CFAP47: variants seen among roughly 807,000 people sequenced by gnomAD.
CFAP47 encodes the protein cilia- and flagella-associated protein 47.
In CFAP47, 29 loss-of-function variants were observed where a neutral mutation model predicts 148.1. The ratio of observed to expected loss-of-function variants is 0.20; its 90% CI spans 0.15 to 0.27. The LOEUF (loss-of-function observed/expected upper bound fraction) is 0.27. CFAP47 is among the 10% of genes least tolerant of loss of function. CFAP47 has a pLI of 1.00. For synonymous variants in CFAP47, 664 were observed against 577.3 expected (o/e 1.15, Z -2.15); for missense variants, 1,872 against 1,697.5 (o/e 1.10, Z -1.81).
intron 33 of CFAP47, among the ~76,000 whole-genome samples, chrX:36,124,763 G>C (rs985697059): frequency 9.0e-6 from 1 of 111,393 alleles, no homozygotes; most frequent in African/African-American, 3.3e-5. Context: ...TGCTTCTTAT[G>C]AAGATGTTTC....
At chrX:35,935,232 C>T (rs1259016698) in intron 2 of CFAP47, among the ~76,000 whole-genome samples, 1 of 112,413 alleles carries the variant, frequency 8.9e-6, no homozygotes. Flanking sequence ...CTTGCTAGAA[C>T]TCAAGTCGTG....
intron 53 of CFAP47, among the ~76,000 whole-genome samples, chrX:36,302,269 G>T (rs1198215930): frequency 1.8e-5 from 2 of 110,451 alleles, no homozygotes; most frequent in African/African-American, 6.6e-5. Context: ...GATTTACAGA[G>T]ACTTGTTAAA....
At chrX:35,976,035 A>T (rs1936565956) in intron 15 of CFAP47, 122 bp downstream of exon 15, 1 of 682,407 alleles carries the variant, frequency 1.5e-6, no homozygotes, top group East Asian at 3.3e-5. Flanking sequence ...AGTAAATCAG[A>T]TACTGTCATC....
chrX:36,171,657 A>G (rs1401206876), intron 39 of CFAP47, among the ~76,000 whole-genome samples: 3 of 111,167 alleles, frequency 2.7e-5, no homozygotes, highest in Non-Finnish European at 5.7e-5. Flanking sequence ...ATTGATCTAT[A>G]TCTCTGTTTT....
chrX:35,941,146 A>G, intron 2 of CFAP47, 137 bp from the exon 3 acceptor site: 1 of 371,033 alleles, frequency 2.7e-6, no homozygotes, highest in Non-Finnish European at 4.7e-6. Context: ...ATTGACAAAC[A>G]TGCCACCAGT....
At chrX:36,008,774 G>GAATA (rs1012142552) in intron 21 of CFAP47, among the ~76,000 whole-genome samples, 10 of 109,450 alleles carry the variant, frequency 9.1e-5, no homozygotes, top group African/African-American at 1.7e-4. Flanking sequence ...TGTCTCAAAA[G>GAATA]AATAAATAAA....
intron 57 of CFAP47, among the ~76,000 whole-genome samples, chrX:36,327,459 A>G (rs1941527060): frequency 8.9e-6 from 1 of 112,023 alleles, no homozygotes; most frequent in African/African-American, 3.2e-5. Flanking sequence ...TAAAAAATCA[A>G]ATAATATCTG....
intron 55 of CFAP47, among the ~76,000 whole-genome samples, chrX:36,308,067 T>G (rs1171220225): frequency 1.8e-5 from 2 of 111,567 alleles, no homozygotes; most frequent in African/African-American, 3.2e-5. Flanking sequence ...GCAATTTTTT[T>G]GCTTGCATTT....
At chrX:36,334,595 G>A (rs1556014568) in intron 57 of CFAP47, among the ~76,000 whole-genome samples, 2 of 109,526 alleles carry the variant, frequency 1.8e-5, no homozygotes, top group African/African-American at 3.4e-5. Context: ...TGAGTACTCC[G>A]ATTCCAAACC....
intron 57 of CFAP47, among the ~76,000 whole-genome samples, chrX:36,331,112 A>G (rs1409521683): frequency 3.6e-5 from 4 of 111,373 alleles, no homozygotes; most frequent in Non-Finnish European, 7.5e-5. Flanking sequence ...AATCCTGTCA[A>G]CTTTACTGAA....
At chrX:36,231,964 C>T (rs1555992807) in intron 46 of CFAP47, among the ~76,000 whole-genome samples, 2 of 111,120 alleles carry the variant, frequency 1.8e-5, no homozygotes, top group Non-Finnish European at 3.8e-5. Context: ...GGATGAAGCC[C>T]ACTTGATCAT....
At chrX:35,960,947 G>T (rs925212460) in intron 8 of CFAP47, among the ~76,000 whole-genome samples, 2 of 111,571 alleles carry the variant, frequency 1.8e-5, no homozygotes, top group African/African-American at 6.5e-5. Context: ...CTGATCTGAG[G>T]GGAAAGCATT....
At chrX:36,155,986 T>C (rs934506865) in intron 37 of CFAP47, among the ~76,000 whole-genome samples, 6 of 111,396 alleles carry the variant, frequency 5.4e-5, no homozygotes, top group African/African-American at 1.3e-4. Flanking sequence ...GAAAAAGAAG[T>C]GCCTGCCTAC....
chrX:35,924,424 CAT>C (rs1227382280), intron 1 of CFAP47, among the ~76,000 whole-genome samples: 13 of 99,665 alleles, frequency 1.3e-4, no homozygotes, highest in Non-Finnish European at 2.1e-4. Flanking sequence ...TATATGCACA[CAT>C]ATGTGTATAT....
At position 36,314,698 on chromosome X, in the gene CFAP47, C is replaced by G. The variant is rs186484861; in HGVS notation, c.8344+3709C>G. 2.2e-4 allele frequency among the ~76,000 whole-genome samples: 24 copies of G among 111,470 alleles called. No individual in the cohort carries two copies. In the Middle Eastern group the frequency reaches 0.014, roughly 65 times the overall value. ...ATCTGCCTATCTATCTATCATCTAT[C>G]TATTTATCTATCTATCATCTATCTA... On this transcript the variant is annotated intron_variant, in intron 56 of 63. Coordinates refer to ENST00000378653, the MANE Select transcript of CFAP47 (RefSeq NM_001304548.2).
chrX:36,103,379 G>T (rs746970281), intron 32 of CFAP47, among the ~76,000 whole-genome samples: 1 of 106,602 alleles, frequency 9.4e-6, no homozygotes, highest in Non-Finnish European at 1.9e-5. Context: ...TGACTAGTGA[G>T]GAATCTGGAG....
intron 55 of CFAP47, among the ~76,000 whole-genome samples, chrX:36,308,908 G>A (rs1941371805): frequency 9.0e-6 from 1 of 111,297 alleles, no homozygotes; most frequent in South Asian, 3.7e-4. Flanking sequence ...TTATGATTAG[G>A]GTTTGGGTTA....
chrX:36,053,612 CTGTT>C (rs776467006), intron 26 of CFAP47, among the ~76,000 whole-genome samples: 59 of 111,623 alleles, frequency 5.3e-4, no homozygotes, highest in African/African-American at 1.7e-3. Flanking sequence ...CTGTGAAAAG[CTGTT>C]TGTAATGGCA....
chrX:36,089,072 A>G lies in CFAP47; in HGVS notation c.4916+3534A>G, dbSNP rs914208731. 2.7e-5 allele frequency among the ~76,000 whole-genome samples: 3 copies of G among 112,224 alleles called. No individual in the cohort carries two copies. In the Admixed American group the frequency reaches 2.8e-4, roughly 11 times the overall value. The stretch of plus-strand genomic sequence containing the variant: ...TGTGATTTTCACTTTTATCCTTAAA[A>G]ATTTTATATCCTGGGCTGGGTGCGG... On this transcript the variant is annotated intron_variant, in intron 30 of 63. Coordinates refer to ENST00000378653, the MANE Select transcript of CFAP47 (RefSeq NM_001304548.2).
Sources: allele counts gnomAD v4.1 joint callset (sites outside exome capture counted in the v4.1 genomes callset), GRCh38; gene constraint gnomAD v4.1.1; transcripts MANE v1.5; gene names NCBI Gene and HGNC (gene_info 2026-07-23, HGNC 2026-07-21).